Variants in MMP16 observed in about 807,000 individuals in gnomAD.
The protein encoded by MMP16 is matrix metalloproteinase-16.
In MMP16, 12 loss-of-function variants were observed where a neutral mutation model predicts 67.8. The ratio of observed to expected loss-of-function variants is 0.18; its 90% CI spans 0.11 to 0.29. MMP16 has a LOEUF of 0.29. MMP16 is among the 10% of genes least tolerant of loss of function. The pLI, the probability that MMP16 is intolerant of heterozygous loss-of-function variation, is 1.00. For synonymous variants in MMP16, 249 were observed against 255.9 expected, an observed-to-expected ratio of 0.97 and a Z score of 0.26; for missense variants, 475 against 765.7, an observed-to-expected ratio of 0.62 and a Z score of 4.48.
Position 88,041,697 on chromosome 8 carries a change from T to C in MMP16, c.1588A>G (p.Met530Val), listed in dbSNP as rs1808134922. 1 of 1,614,060 alleles carries C rather than the reference T, an allele frequency of 6.2e-7. No homozygotes were observed. The highest frequency in any genetic ancestry group is 8.5e-7 in the Non-Finnish European group (1 of 1,179,988). The change falls in exon 10 of 10, where the codon ATG becomes GTG. Residue 530 changes from methionine to valine, a missense_variant. Transcript: ENST00000286614. This position sits in a 1 kb window ranked among gnomAD's most constrained non-coding sequence, Gnocchi z 6.0. ...GYPRSILKDF[M>V]GCDGPTDRVK... ...CTGTCTGTTGGTCCATCACAGCCCA[T>C]AAAATCCTTGAGGATGGATCTTGGA...
chr8:88,189,465 A>T (rs1809131898), intron 2 of MMP16, among the ~76,000 whole-genome samples: 1 of 152,064 alleles, frequency 6.6e-6, no homozygotes, highest in South Asian at 2.1e-4. Context: ...CATCCAGTCA[A>T]TCACAGTCTA....
In MMP16 at chr8:88,041,626, G is replaced by T. The variant is rs2118186140; in HGVS notation, c.1659C>A (p.Ile553=). 2 of 1,614,142 alleles carry T rather than the reference G, an allele frequency of 1.2e-6. No homozygotes were observed. The highest frequency in any genetic ancestry group is 1.7e-6 in the Non-Finnish European group (2 of 1,180,014). The change falls in exon 10 of 10, where the codon ATC becomes ATA. Residue 553 remains isoleucine (I), a synonymous_variant. Transcript: ENST00000286614. The surrounding 1 kb of genome is among the most constrained non-coding windows in gnomAD (Gnocchi z 6.0). ...CAGTGCTGGCTGTGTTGTCCAGTTT[G>T]ATGACAATGTCTACATCATCTGGTG... is the stretch of plus-strand genomic sequence containing the variant. ...HSPPDDVDIV[I]KLDNTASTVK...
At chr8:88,129,202 A>G (rs1418891827) in intron 4 of MMP16, among the ~76,000 whole-genome samples, 1 of 151,810 alleles carries the variant, frequency 6.6e-6, no homozygotes, top group Admixed American at 6.6e-5. Context: ...TTCTGCAAGT[A>G]GGAGATTAAA....
chr8:88,137,109 T>C (rs1310183207), intron 4 of MMP16, among the ~76,000 whole-genome samples: 1 of 151,980 alleles, frequency 6.6e-6, no homozygotes, highest in African/African-American at 2.4e-5. Flanking sequence ...ACATTGTGAC[T>C]TAGATTTTCC....
intron 1 of MMP16, among the ~76,000 whole-genome samples, chr8:88,301,077 A>G (rs1485553328): frequency 1.3e-5 from 2 of 152,194 alleles, no homozygotes; most frequent in Admixed American, 6.5e-5. Context: ...AAATTTATCA[A>G]TCATTTATCT....
intron 4 of MMP16, among the ~76,000 whole-genome samples, chr8:88,153,509 A>T (rs1322524152): frequency 1.3e-5 from 2 of 152,198 alleles, no homozygotes; most frequent in Admixed American, 1.3e-4. Context: ...TACTGGTACC[A>T]AAACAGAGAT....
At chr8:88,066,550 A>G (rs1285788419) in intron 7 of MMP16, among the ~76,000 whole-genome samples, 1 of 152,108 alleles carries the variant, frequency 6.6e-6, no homozygotes, top group Admixed American at 6.6e-5. Context: ...AGGCATCACA[A>G]CTGTAAATGG....
intron 1 of MMP16, among the ~76,000 whole-genome samples, chr8:88,220,715 T>A (rs1458751677): frequency 2.6e-5 from 4 of 152,122 alleles, no homozygotes; most frequent in African/African-American, 9.7e-5. Flanking sequence ...GGAAGAAGAT[T>A]CACTTCAGTG....
chr8:88,297,680 G>A (rs577713625), intron 1 of MMP16, among the ~76,000 whole-genome samples: 4 of 152,286 alleles, frequency 2.6e-5, no homozygotes, highest in African/African-American at 9.6e-5. Context: ...GTGCTCTAGA[G>A]GCAGACTGTC....
chr8:88,227,382 G>A (rs1455157942), intron 1 of MMP16, among the ~76,000 whole-genome samples: 1 of 151,948 alleles, frequency 6.6e-6, no homozygotes, highest in African/African-American at 2.4e-5. Context: ...AATTACCACA[G>A]AAATAGTTCA....
chr8:88,224,480 T>C (rs950238074), intron 1 of MMP16, among the ~76,000 whole-genome samples: 3 of 152,140 alleles, frequency 2.0e-5, no homozygotes, highest in Non-Finnish European at 2.9e-5. Flanking sequence ...TTATATAAAA[T>C]GATCATCTAT....
At chr8:88,102,107 A>C (rs1809154929) in intron 6 of MMP16, among the ~76,000 whole-genome samples, 1 of 151,780 alleles carries the variant, frequency 6.6e-6, no homozygotes, top group Non-Finnish European at 1.5e-5. Flanking sequence ...GTGACCCCAA[A>C]ATATGTGGAG....
chr8:88,138,374 A>G (rs1206179268), intron 4 of MMP16, among the ~76,000 whole-genome samples: 2 of 151,744 alleles, frequency 1.3e-5, no homozygotes, highest in Admixed American at 1.3e-4. Flanking sequence ...CAGGCCCTAT[A>G]CTCTAATTTT....
At chr8:88,102,392 A>G (rs1460082414) in intron 6 of MMP16, among the ~76,000 whole-genome samples, 1 of 151,924 alleles carries the variant, frequency 6.6e-6, no homozygotes, top group African/African-American at 2.4e-5. Context: ...TATGACAAAG[A>G]TGAGGAGTGC....
rs142955623 is a variant in MMP16 at position 88,098,393 on chromosome 8, C to T, written c.1083+18114G>A. 2.6e-5 allele frequency among the ~76,000 whole-genome samples: 4 copies of T among 152,096 alleles called. No individual in the cohort carries two copies. In the East Asian group the frequency reaches 7.8e-4, roughly 30 times the overall value. On this transcript the variant is annotated intron_variant, in intron 6 of 9. Coordinates refer to ENST00000286614, the MANE Select transcript of MMP16 (RefSeq NM_005941.5). ...GGCTCAGCGTCTAGGTCTACTTATACCATGTGAATCACTTTAAATCACATG... is the reference window on the plus strand; with the variant it reads ...GGCTCAGCGTCTAGGTCTACTTATATCATGTGAATCACTTTAAATCACATG...
At chr8:88,100,102 A>G (rs1411506287) in intron 6 of MMP16, among the ~76,000 whole-genome samples, 1 of 151,864 alleles carries the variant, frequency 6.6e-6, no homozygotes, top group East Asian at 2.0e-4. Flanking sequence ...ATTAGATCCC[A>G]TTTGTCAATT....
intron 4 of MMP16, among the ~76,000 whole-genome samples, chr8:88,160,545 C>G (rs1360951558): frequency 1.3e-5 from 2 of 152,126 alleles, no homozygotes; most frequent in African/African-American, 4.8e-5. Flanking sequence ...CTCACCATCA[C>G]TGGCCATCAG....
intron 1 of MMP16, among the ~76,000 whole-genome samples, chr8:88,213,792 T>C (rs906874137): frequency 5.3e-5 from 8 of 152,170 alleles, no homozygotes; most frequent in Non-Finnish European, 1.0e-4. Flanking sequence ...TCACTTAGAA[T>C]AGTAAAAATT....
intron 9 of MMP16, among the ~76,000 whole-genome samples, chr8:88,043,005 C>G (rs1432497160): frequency 6.6e-6 from 1 of 152,120 alleles, no homozygotes; most frequent in Non-Finnish European, 1.5e-5. Flanking sequence ...AGGCAAAATT[C>G]ATAGTTTATA....
Sources: allele counts gnomAD v4.1 joint callset (sites outside exome capture counted in the v4.1 genomes callset), GRCh38; gene constraint gnomAD v4.1.1; non-coding constraint Gnocchi (gnomAD v3.1); transcripts MANE v1.5; gene names NCBI Gene and HGNC (gene_info 2026-07-23, HGNC 2026-07-21).